TRIQK: variants seen among roughly 807,000 people sequenced by gnomAD.
The protein encoded by TRIQK is triple QxxK/R motif-containing protein.
TRIQK carries 10 observed loss-of-function variants against 10.8 expected under a neutral mutation model. The observed-to-expected ratio is 0.92, with a 90% confidence interval of 0.57 to 1.57. The LOEUF (loss-of-function observed/expected upper bound fraction) is 1.57. Ranked by LOEUF, TRIQK falls within the 40% of genes most tolerant of loss-of-function variation. The pLI is 0.00. For missense variants in TRIQK, 107 were observed against 97.7 expected (o/e 1.09, Z -0.40); for synonymous variants, 33 against 33.7 (o/e 0.98, Z 0.07).
chr8:93,001,129 A>G (rs943009647), intron 1 of TRIQK, among the ~76,000 whole-genome samples: 75 of 152,044 alleles, frequency 4.9e-4, no homozygotes, highest in African/African-American at 1.7e-3. Context: ...AACACGGTGA[A>G]ACCCCGTCTC....
Position 92,911,887 on chromosome 8 carries a change from A to G in TRIQK, c.61+5042T>C, listed in dbSNP as rs940305646. 4.2e-5 allele frequency among the ~76,000 whole-genome samples: 6 copies of G among 143,138 alleles called. No homozygotes were observed. The East Asian group carries it at 1.0e-3, about 24-fold the overall frequency. The allele number at this position is 143,138 out of a possible 152,430, so 93.9% of individuals were successfully genotyped here. ...TATATATGAGTGTACATATATATGT[A>G]TATGTGTGTGTAGACATATATATAT... On this transcript the variant is annotated intron_variant, in intron 3 of 4. Transcript: ENST00000521988.
intron 1 of TRIQK, among the ~76,000 whole-genome samples, chr8:92,959,996 A>T (rs1812370411): frequency 6.6e-6 from 1 of 152,014 alleles, no homozygotes; most frequent in African/African-American, 2.4e-5. Flanking sequence ...TTCTTTCTTG[A>T]TATGGAAAAC....
At chr8:92,901,813 A>G (rs1019171808) in intron 3 of TRIQK, among the ~76,000 whole-genome samples, 4 of 152,018 alleles carry the variant, frequency 2.6e-5, no homozygotes, top group Non-Finnish European at 5.9e-5. Flanking sequence ...TTTGAGTAAG[A>G]TTGGTATTAT....
chr8:92,887,194 T>C (rs1816528884), intron 4 of TRIQK, among the ~76,000 whole-genome samples: 1 of 151,404 alleles, frequency 6.6e-6, no homozygotes, highest in African/African-American at 2.4e-5. Flanking sequence ...CTTTTCATTG[T>C]AAAGAAACAG....
intron 3 of TRIQK, among the ~76,000 whole-genome samples, chr8:92,896,398 T>C (rs1366027301): frequency 6.6e-6 from 1 of 152,138 alleles, no homozygotes; most frequent in Non-Finnish European, 1.5e-5. Context: ...AGGCAGAAAC[T>C]TGTTGCAGGG....
At chr8:92,926,926 C>T (rs1810476182) in intron 2 of TRIQK, among the ~76,000 whole-genome samples, 1 of 152,042 alleles carries the variant, frequency 6.6e-6, no homozygotes, top group Admixed American at 6.6e-5. Context: ...TCACTTGTGC[C>T]TGTAATACCA....
At chr8:92,971,807 T>C (rs1245905837) in intron 1 of TRIQK, among the ~76,000 whole-genome samples, 5 of 152,196 alleles carry the variant, frequency 3.3e-5, no homozygotes, top group Admixed American at 3.3e-4. Context: ...CTGTAAAGTT[T>C]ATATGGAACC....
intron 1 of TRIQK, among the ~76,000 whole-genome samples, chr8:93,001,311 A>C (rs977470329): frequency 6.6e-6 from 1 of 151,998 alleles, no homozygotes; most frequent in Non-Finnish European, 1.5e-5. Flanking sequence ...ATCTCAAAAA[A>C]AAAAAAAAAA....
At chr8:92,939,327 T>A (rs1811154000) in intron 2 of TRIQK, among the ~76,000 whole-genome samples, 1 of 152,132 alleles carries the variant, frequency 6.6e-6, no homozygotes, top group African/African-American at 2.4e-5. Flanking sequence ...CCACTCTGTG[T>A]GAGCTCACAG....
chr8:92,903,621 A>G lies in TRIQK; in HGVS notation c.62-11547T>C, dbSNP rs139911491. Among the ~76,000 whole-genome samples, 356 of 152,226 alleles carry G rather than the reference A, an allele frequency of 2.3e-3. 2 individuals are homozygous for G. The highest frequency in any genetic ancestry group is 3.7e-3 in the Non-Finnish European group (254 of 67,976). Reference sequence around the variant, plus strand: ...ATTCTGTTGCAGAATAAAATTTCCTATTACTCTTTTCTCATGTTGTGATCA... The same window carrying G: ...ATTCTGTTGCAGAATAAAATTTCCTGTTACTCTTTTCTCATGTTGTGATCA... On this transcript the variant is annotated intron_variant, in intron 3 of 4. Transcript: ENST00000521988.
At chr8:92,903,101 C>A (rs192307173) in intron 3 of TRIQK, among the ~76,000 whole-genome samples, 11 of 152,034 alleles carry the variant, frequency 7.2e-5, no homozygotes, top group African/African-American at 2.4e-4. Flanking sequence ...TAACTCAAAT[C>A]AATTTTTATT....
chr8:92,997,642 A>T (rs1667441959), intron 1 of TRIQK, among the ~76,000 whole-genome samples: 1 of 152,098 alleles, frequency 6.6e-6, no homozygotes, highest in Admixed American at 6.5e-5. Context: ...AAATTTGAGG[A>T]CACTGAAAAA....
chr8:92,949,793 A>G (rs1388801491), intron 2 of TRIQK, among the ~76,000 whole-genome samples: 2 of 54,656 alleles, frequency 3.7e-5, no homozygotes, highest in African/African-American at 1.4e-4. Flanking sequence ...AAAGAAAGAA[A>G]GAAAGAAAGA....
chr8:93,004,304 T>C (rs983791053), intron 1 of TRIQK, among the ~76,000 whole-genome samples: 2 of 152,198 alleles, frequency 1.3e-5, no homozygotes, highest in Non-Finnish European at 2.9e-5. Context: ...AAGGTTGGGA[T>C]TTGCACCCTC....
chr8:93,002,897 G>T (rs1277521846), intron 1 of TRIQK, among the ~76,000 whole-genome samples: 1 of 151,070 alleles, frequency 6.6e-6, no homozygotes, highest in African/African-American at 2.4e-5. Context: ...TTCAGTCTGG[G>T]TGAGAAGAGC....
chr8:92,936,508 T>C (rs1039831835), intron 2 of TRIQK, among the ~76,000 whole-genome samples: 1 of 151,342 alleles, frequency 6.6e-6, no homozygotes, highest in African/African-American at 2.4e-5. Context: ...ATTTAGTATA[T>C]AGAAATAGAA....
intron 1 of TRIQK, among the ~76,000 whole-genome samples, chr8:92,979,201 G>A (rs1409186756): frequency 6.6e-6 from 1 of 152,124 alleles, no homozygotes; most frequent in Non-Finnish European, 1.5e-5. Flanking sequence ...AAGCTTAGCT[G>A]TGTTTAGGTG....
intron 1 of TRIQK, among the ~76,000 whole-genome samples, chr8:92,980,807 C>T (rs1355526817): frequency 1.3e-5 from 2 of 151,000 alleles, no homozygotes; most frequent in African/African-American, 4.9e-5. Flanking sequence ...TCATATTTTC[C>T]AGTTTTTTGA....
At chr8:92,897,514 G>T (rs1409039202) in intron 3 of TRIQK, among the ~76,000 whole-genome samples, 2 of 152,166 alleles carry the variant, frequency 1.3e-5, no homozygotes, top group Admixed American at 1.3e-4. Flanking sequence ...CATGATAAAA[G>T]AATGAGCTTG....
Sources: gnomAD v4.1 joint callset for allele counts (sites outside exome capture counted in the v4.1 genomes callset) on GRCh38, gnomAD v4.1.1 for gene constraint, MANE v1.5 for transcripts, NCBI Gene and HGNC (gene_info 2026-07-23, HGNC 2026-07-21) for gene names.